The following TESK2 variants were observed in gnomAD, a reference collection of about 807,000 sequenced individuals.
TESK2 encodes the protein testis associated actin remodelling kinase 2.
A neutral mutation model predicts 57.1 loss-of-function variants in TESK2; 39 were observed. That is an observed-to-expected ratio of 0.68 (90% CI 0.53 to 0.89). The LOEUF is 0.89. Ranked by LOEUF, TESK2 falls within the 40% of genes least tolerant of loss-of-function variation. The probability of loss-of-function intolerance (pLI) is 0.00; values close to 1 mark genes in which losing one functional copy is unlikely to be tolerated. For missense variants in TESK2, 646 were observed against 732.1 expected (o/e 0.88, Z 1.36); for synonymous variants, 249 against 267.9 (o/e 0.93, Z 0.69).
intron 3 of TESK2, among the ~76,000 whole-genome samples, chr1:45,388,834 C>T (rs891346815): frequency 2.0e-5 from 3 of 150,404 alleles, no homozygotes; most frequent in African/African-American, 7.3e-5. Context: ...CATTCTCCTG[C>T]CTCAGCCTCC....
chr1:45,403,247 A>AT (rs1570694648), intron 3 of TESK2, among the ~76,000 whole-genome samples: 1 of 151,600 alleles, frequency 6.6e-6, no homozygotes. Context: ...AAAAAAAAAA[A>AT]AGAAAGAAAG....
chr1:45,448,237 C>CA (rs762537140), intron 2 of TESK2, among the ~76,000 whole-genome samples: 48,475 of 84,138 alleles, frequency 0.58, 12,404 homozygotes, highest in African/African-American at 0.65. Flanking sequence ...GACCCTGTCT[C>CA]AAAAAAAAAA....
chr1:45,350,683 T>C (rs1195821547), intron 5 of TESK2, among the ~76,000 whole-genome samples: 1 of 152,184 alleles, frequency 6.6e-6, no homozygotes, highest in Non-Finnish European at 1.5e-5. Context: ...TTGCCCTCAA[T>C]CCTACCATGT....
chr1:45,389,774 A>C (rs1039931097), intron 3 of TESK2, among the ~76,000 whole-genome samples: 4 of 152,234 alleles, frequency 2.6e-5, no homozygotes, highest in African/African-American at 9.6e-5. Flanking sequence ...ACACCACCTT[A>C]AAAGGTTGTT....
intron 2 of TESK2, among the ~76,000 whole-genome samples, chr1:45,448,030 T>C (rs1651708076): frequency 6.7e-6 from 1 of 149,654 alleles, no homozygotes; most frequent in Admixed American, 6.7e-5. Flanking sequence ...TGTGTGTGTG[T>C]GTGTATTTTG....
chr1:45,422,131 T>C (rs1190267466), intron 2 of TESK2, among the ~76,000 whole-genome samples: 2 of 152,136 alleles, frequency 1.3e-5, no homozygotes, highest in African/African-American at 4.8e-5. Context: ...AGGAATGAGG[T>C]CATGTCCTTT....
chr1:45,396,598 C>T (rs551978264), intron 3 of TESK2, among the ~76,000 whole-genome samples: 87 of 152,018 alleles, frequency 5.7e-4, no homozygotes, highest in African/African-American at 2.0e-3. Context: ...AAGCAATTCT[C>T]CTGCCTCAGC....
chr1:45,359,612 C>T (rs1229258321), intron 4 of TESK2, among the ~76,000 whole-genome samples: 2 of 148,434 alleles, frequency 1.3e-5, no homozygotes, highest in African/African-American at 2.5e-5. Context: ...ACCTGTATTC[C>T]TAGCACTTTG....
chr1:45,409,591 G>T (rs1263575131), intron 3 of TESK2, among the ~76,000 whole-genome samples: 1 of 152,176 alleles, frequency 6.6e-6, no homozygotes, highest in Non-Finnish European at 1.5e-5. Flanking sequence ...ATTCAATCTG[G>T]CTATTGTGGG....
At chr1:45,489,584 G>T (rs1466146784) in intron 1 of TESK2, among the ~76,000 whole-genome samples, 2 of 152,196 alleles carry the variant, frequency 1.3e-5, no homozygotes, top group Admixed American at 6.5e-5. Flanking sequence ...GAGGTCAGAC[G>T]TTCGAAACCA....
chr1:45,382,690 G>C (rs1161592086), intron 4 of TESK2, among the ~76,000 whole-genome samples: 1 of 152,150 alleles, frequency 6.6e-6, no homozygotes, highest in African/African-American at 2.4e-5. Flanking sequence ...GACCAACATG[G>C]AGAAACCCCG....
In TESK2 at chr1:45,456,100, G is replaced by A. The variant is rs148796755; in HGVS notation, c.222+1464C>T. Among the ~76,000 whole-genome samples, 69 of 152,096 alleles carry A rather than the reference G, an allele frequency of 4.5e-4. 1 individual carries two copies. The East Asian group carries it at 0.013, about 28-fold the overall frequency. On this transcript the variant is annotated intron_variant, in intron 2 of 10. Coordinates refer to ENST00000372086, the MANE Select transcript of TESK2 (RefSeq NM_007170.3). ...CCCAGTTACTCTGGAGGCTGAGGTG[G>A]GGGGATCATCTGAGTCCAGGGAGGT...
intron 4 of TESK2, among the ~76,000 whole-genome samples, chr1:45,381,261 T>C (rs1276674120): frequency 6.6e-6 from 1 of 152,164 alleles, no homozygotes; most frequent in Non-Finnish European, 1.5e-5. Flanking sequence ...CAGGGCATGG[T>C]TGATTGTCAA....
intron 3 of TESK2, among the ~76,000 whole-genome samples, chr1:45,386,282 T>G (rs1290490579): frequency 1.4e-5 from 2 of 140,974 alleles, no homozygotes; most frequent in Non-Finnish European, 3.0e-5. Flanking sequence ...AAGGCAGAGG[T>G]TGCAGTGAGC....
intron 3 of TESK2, among the ~76,000 whole-genome samples, chr1:45,418,064 A>G (rs61325888): frequency 0.05 from 7,567 of 152,268 alleles, 666 homozygotes; most frequent in African/African-American, 0.17. Context: ...TGATAAAATA[A>G]AAAGATTAGC....
intron 2 of TESK2, among the ~76,000 whole-genome samples, chr1:45,443,567 GCAAAAA>G (rs1651530043): frequency 3.6e-5 from 1 of 27,592 alleles, no homozygotes; most frequent in African/African-American, 2.3e-4. Flanking sequence ...GAGATCCATC[GCAAAAA>G]AAAAAAAAAA....
chr1:45,453,362 A>AAAG (rs1651953099), intron 2 of TESK2, among the ~76,000 whole-genome samples: 1 of 144,966 alleles, frequency 6.9e-6, no homozygotes, highest in Non-Finnish European at 1.5e-5. Context: ...AAAAAAAAAA[A>AAAG]AGAGAGAGAG....
At chr1:45,396,478 A>G (rs543798426) in intron 3 of TESK2, among the ~76,000 whole-genome samples, 17 of 152,044 alleles carry the variant, frequency 1.1e-4, no homozygotes, top group Admixed American at 3.3e-4. Flanking sequence ...GATAATGATG[A>G]TGGTATGAGA....
chr1:45,406,649 C>T (rs1195640889), intron 3 of TESK2, among the ~76,000 whole-genome samples: 2 of 152,034 alleles, frequency 1.3e-5, no homozygotes, highest in African/African-American at 4.8e-5. Flanking sequence ...GAGCAAGGCT[C>T]TGTCTAAAAA....
Sources: allele counts gnomAD v4.1 joint callset (sites outside exome capture counted in the v4.1 genomes callset), GRCh38; gene constraint gnomAD v4.1.1; transcripts MANE v1.5; gene names NCBI Gene and HGNC (gene_info 2026-07-23, HGNC 2026-07-21).